The following EXOC4 variants were observed in gnomAD, a reference collection of about 807,000 sequenced individuals.
EXOC4 encodes the protein exocyst complex component 4, also known as SEC8-like 1.
EXOC4 carries 71 observed loss-of-function variants against 107.2 expected under a neutral mutation model. The ratio of observed to expected loss-of-function variants is 0.66; its 90% CI spans 0.55 to 0.81. The LOEUF (loss-of-function observed/expected upper bound fraction) is 0.81. Ranked by LOEUF, EXOC4 falls within the 30% of genes least tolerant of loss-of-function variation. The pLI, the probability that EXOC4 is intolerant of heterozygous loss-of-function variation, is 0.00. For synonymous variants in EXOC4, 456 were observed against 441.2 expected, an observed-to-expected ratio of 1.03 and a Z score of -0.42; for missense variants, 1,108 against 1,189.6, an observed-to-expected ratio of 0.93 and a Z score of 1.01.
chr7:134,078,710 A>G, the EXOC4 span, among the ~76,000 whole-genome samples: 11 of 152,376 alleles, frequency 7.2e-5, no homozygotes, highest in East Asian at 2.1e-3. Context: ...GAGGAAACAT[A>G]ACACTTAAAT....
At chr7:133,801,789 A>G (rs900567440) in intron 10 of EXOC4, among the ~76,000 whole-genome samples, 1 of 152,224 alleles carries the variant, frequency 6.6e-6, no homozygotes, top group Non-Finnish European at 1.5e-5. Context: ...TGTGTATGGC[A>G]TTGATCATGT....
intron 5 of EXOC4, among the ~76,000 whole-genome samples, chr7:133,327,502 C>A (rs1795276777): frequency 6.6e-6 from 1 of 152,028 alleles, no homozygotes; most frequent in Middle Eastern, 3.2e-3. Flanking sequence ...TTTGCTCTTG[C>A]TTCTCTTGTT....
intron 9 of EXOC4, among the ~76,000 whole-genome samples, chr7:133,499,401 A>T (rs927287640): frequency 6.6e-6 from 1 of 152,088 alleles, no homozygotes. Flanking sequence ...TTTCCCTTCA[A>T]GTTTAGAGCT....
intron 7 of EXOC4, among the ~76,000 whole-genome samples, chr7:133,461,833 C>G (rs1168205936): frequency 6.6e-6 from 1 of 152,062 alleles, no homozygotes; most frequent in Non-Finnish European, 1.5e-5. Flanking sequence ...GACATTGTGC[C>G]TAGATGTTGA....
intron 11 of EXOC4, among the ~76,000 whole-genome samples, chr7:133,850,588 A>G (rs1014651793): frequency 2.6e-5 from 4 of 152,030 alleles, no homozygotes; most frequent in African/African-American, 2.4e-5. Flanking sequence ...ACAGTCTTAT[A>G]GAATCATACG....
chr7:133,697,404 T>G (rs1794559851), intron 10 of EXOC4, among the ~76,000 whole-genome samples: 1 of 152,230 alleles, frequency 6.6e-6, no homozygotes, highest in Non-Finnish European at 1.5e-5. Context: ...TGTTATTATT[T>G]CCCTTTTTTC....
intron 17 of EXOC4, among the ~76,000 whole-genome samples, chr7:134,031,031 A>T (rs1795259151): frequency 1.3e-5 from 2 of 152,192 alleles, no homozygotes; most frequent in South Asian, 4.1e-4. Context: ...CACACACTTT[A>T]CAATTTCATT....
chr7:133,712,247 C>T (rs1211407015), intron 10 of EXOC4, among the ~76,000 whole-genome samples: 2 of 151,962 alleles, frequency 1.3e-5, no homozygotes, highest in Non-Finnish European at 2.9e-5. Context: ...CAAGAGTAGC[C>T]TGACCAACAT....
chr7:133,369,209 T>C (rs541463801), intron 6 of EXOC4, among the ~76,000 whole-genome samples: 97 of 152,318 alleles, frequency 6.4e-4, no homozygotes, highest in African/African-American at 2.1e-3. Context: ...GACAAGCTAG[T>C]GCAGATTTAC....
At chr7:133,901,259 G>T (rs771744424) in intron 12 of EXOC4, among the ~76,000 whole-genome samples, 56 of 152,130 alleles carry the variant, frequency 3.7e-4, no homozygotes, top group African/African-American at 1.2e-3. Context: ...AGCTATTCCT[G>T]TAAGTTCCTT....
chr7:133,572,392 G>T (rs2150960240), intron 9 of EXOC4, among the ~76,000 whole-genome samples: 1 of 152,140 alleles, frequency 6.6e-6, no homozygotes, highest in Admixed American at 6.5e-5. Context: ...AACTGGAAAA[G>T]ATGACTGGAA....
intron 7 of EXOC4, among the ~76,000 whole-genome samples, chr7:133,409,742 G>A (rs1797314380): frequency 6.6e-6 from 1 of 152,086 alleles, no homozygotes; most frequent in Non-Finnish European, 1.5e-5. Flanking sequence ...GTATTCTGAA[G>A]AATGCTACTA....
intron 7 of EXOC4, among the ~76,000 whole-genome samples, chr7:133,395,412 GCAGC>G (rs1796949169): frequency 1.3e-5 from 2 of 151,962 alleles, no homozygotes; most frequent in Admixed American, 1.3e-4. Context: ...AAATCTGGAG[GCAGC>G]CAGAAGAGCT....
intron 6 of EXOC4, among the ~76,000 whole-genome samples, chr7:133,373,573 G>A (rs1796422842): frequency 6.6e-6 from 1 of 152,168 alleles, no homozygotes; most frequent in Admixed American, 6.5e-5. Flanking sequence ...ATAATATGTT[G>A]TATGTTTGGA....
chr7:133,607,550 A>G (rs1267239469), intron 9 of EXOC4, among the ~76,000 whole-genome samples: 1 of 152,192 alleles, frequency 6.6e-6, no homozygotes, highest in Admixed American at 6.5e-5. Context: ...TCAAGCTCCA[A>G]TATGTAGTAA....
intron 11 of EXOC4, among the ~76,000 whole-genome samples, chr7:133,821,956 C>T (rs1797532161): frequency 6.6e-6 from 1 of 152,168 alleles, no homozygotes; most frequent in Non-Finnish European, 1.5e-5. Flanking sequence ...GTATAAAACT[C>T]ATGGTCTTGG....
intron 10 of EXOC4, among the ~76,000 whole-genome samples, chr7:133,747,308 C>T (rs1444390777): frequency 6.6e-6 from 1 of 152,036 alleles, no homozygotes; most frequent in Non-Finnish European, 1.5e-5. Flanking sequence ...GCGAACACAC[C>T]TAAAAGTAAT....
At chr7:133,895,510 TTA>T in intron 11 of EXOC4, 87 bp from the exon 12 acceptor site, 1 of 1,363,502 alleles carries the variant, frequency 7.3e-7, no homozygotes, top group Non-Finnish European at 1.0e-6. Flanking sequence ...CTCAGGTACC[TTA>T]AATTATGACA....
intron 9 of EXOC4, among the ~76,000 whole-genome samples, chr7:133,529,289 C>T (rs950858602): frequency 6.6e-6 from 1 of 152,086 alleles, no homozygotes; most frequent in South Asian, 2.1e-4. Flanking sequence ...GTACATATCA[C>T]TTGGTTATGT....
Sources: gnomAD v4.1 joint callset for allele counts (sites outside exome capture counted in the v4.1 genomes callset) on GRCh38, gnomAD v4.1.1 for gene constraint, MANE v1.5 for transcripts, NCBI Gene and HGNC (gene_info 2026-07-23, HGNC 2026-07-21) for gene names.